Variants in PTPRT observed in about 807,000 individuals in gnomAD.
PTPRT encodes the protein protein tyrosine phosphatase receptor type T.
A neutral mutation model predicts 176.8 loss-of-function variants in PTPRT; 56 were observed. That is an observed-to-expected ratio of 0.32 (90% CI 0.26 to 0.40). PTPRT has a LOEUF of 0.40. Among genes scored for constraint, PTPRT ranks in the 10% least tolerant of loss-of-function variants. The pLI is 1.00. For synonymous variants in PTPRT, 783 were observed against 739.0 expected, an observed-to-expected ratio of 1.06 and a Z score of -0.96; for missense variants, 1,540 against 1,908.2, an observed-to-expected ratio of 0.81 and a Z score of 3.60.
intron 1 of PTPRT, among the ~76,000 whole-genome samples, chr20:43,106,592 G>C (rs940707687): frequency 2.0e-5 from 3 of 149,986 alleles, no homozygotes; most frequent in African/African-American, 4.9e-5. Context: ...GGGAGGCACA[G>C]GTTGCAGTGA....
chr20:42,328,121 T>A (rs998794214), intron 11 of PTPRT, among the ~76,000 whole-genome samples: 3 of 152,076 alleles, frequency 2.0e-5, no homozygotes, highest in African/African-American at 7.2e-5. Context: ...TCATATCAAA[T>A]AGAAAATCAA....
At chr20:42,226,013 G>A (rs575649140) in intron 15 of PTPRT, among the ~76,000 whole-genome samples, 1 of 152,248 alleles carries the variant, frequency 6.6e-6, no homozygotes, top group African/African-American at 2.4e-5. Context: ...ACTTTACTGG[G>A]CCCGTTAACC....
At chr20:42,780,469 C>T (rs2077199077) in intron 3 of PTPRT, among the ~76,000 whole-genome samples, 170 bp from the exon 4 acceptor site, 1 of 152,090 alleles carries the variant, frequency 6.6e-6, no homozygotes, top group African/African-American at 2.4e-5. Context: ...ATTTTCAACA[C>T]AAGGTAAAAA....
intron 6 of PTPRT, among the ~76,000 whole-genome samples, chr20:42,717,731 A>C (rs1224673721): frequency 6.6e-6 from 1 of 152,184 alleles, no homozygotes; most frequent in Non-Finnish European, 1.5e-5. Context: ...CTACAGAAAG[A>C]AAAAGGATAT....
At chr20:43,131,631 A>T (rs2013650459) in intron 1 of PTPRT, among the ~76,000 whole-genome samples, 1 of 152,202 alleles carries the variant, frequency 6.6e-6, no homozygotes, top group South Asian at 2.1e-4. Flanking sequence ...ATGGATTCAT[A>T]GGTGATTTAT....
chr20:42,070,434 T>G (rs1982274697), downstream of PTPRT, among the ~76,000 whole-genome samples: 2 of 151,704 alleles, frequency 1.3e-5, no homozygotes, highest in African/African-American at 4.8e-5. Flanking sequence ...GTATCATCAG[T>G]CTCTCTCCAG....
At position 42,080,003 on chromosome 20, in the gene PTPRT, TAATC is replaced by T. The variant is rs1555856073; in HGVS notation, c.*872_*875del. 4.3e-6 allele frequency: 1 copy of T among 232,064 alleles called. No homozygotes were observed. The highest frequency in any genetic ancestry group is 8.5e-6 in the Non-Finnish European group (1 of 117,420). The allele number at this position is 232,064 out of a possible 1,614,324, so 14.4% of individuals were successfully genotyped here. On this transcript the variant is annotated 3_prime_UTR_variant, in exon 31 of 31. Coordinates refer to ENST00000373187, the MANE Select transcript of PTPRT (RefSeq NM_007050.6). ...TTCTTTTCACATACACTTTGGAAAATAATCAAATCTTATCTTGTTTGTCTCTTCC... is the reference window on the plus strand; with the variant it reads ...TTCTTTTCACATACACTTTGGAAAATAAATCTTATCTTGTTTGTCTCTTCC...
At chr20:42,519,640 T>C (rs1002962663) in intron 7 of PTPRT, among the ~76,000 whole-genome samples, 2 of 151,956 alleles carry the variant, frequency 1.3e-5, no homozygotes, top group South Asian at 2.1e-4. Flanking sequence ...GATATAGATA[T>C]TGATGTGTGT....
intron 7 of PTPRT, among the ~76,000 whole-genome samples, chr20:42,592,810 C>CCG (rs2145763119): frequency 6.6e-6 from 1 of 152,256 alleles, no homozygotes; most frequent in Admixed American, 6.5e-5. Context: ...TTATCCAGTC[C>CCG]CTGCCACTTT....
At chr20:42,436,685 G>A (rs6030237) in intron 9 of PTPRT, among the ~76,000 whole-genome samples, 54,526 of 151,998 alleles carry the variant, frequency 0.36, 10,581 homozygotes, top group African/African-American at 0.51. Flanking sequence ...TAGAAATTCA[G>A]GAGAAAATCT....
At chr20:42,309,472 A>C (rs2057594735) in intron 12 of PTPRT, among the ~76,000 whole-genome samples, 1 of 152,154 alleles carries the variant, frequency 6.6e-6, no homozygotes, top group Admixed American at 6.5e-5. Context: ...AAAAAATCTT[A>C]CTACTATGAT....
chr20:42,723,278 A>G (rs6030436), intron 6 of PTPRT, among the ~76,000 whole-genome samples: 14,482 of 152,142 alleles, frequency 0.095, 783 homozygotes, highest in Admixed American at 0.12. Flanking sequence ...AATATTAAAG[A>G]AAAAGGGGCC....
At chr20:42,291,394 T>TTGCAATAAACACTGGGAGATA (rs2057314383) in intron 12 of PTPRT, among the ~76,000 whole-genome samples, 2 of 152,148 alleles carry the variant, frequency 1.3e-5, no homozygotes, top group Non-Finnish European at 2.9e-5. Context: ...TAATTAAAAG[T>TTGCAATAAACACTGGGAGATA]TGCAATAAAC....
At chr20:42,402,738 A>T (rs948337093) in intron 9 of PTPRT, among the ~76,000 whole-genome samples, 4 of 151,384 alleles carry the variant, frequency 2.6e-5, no homozygotes, top group African/African-American at 9.7e-5. Flanking sequence ...AGGAACTTGC[A>T]GGATTTGTGA....
intron 6 of PTPRT, 135 bp downstream of exon 6, chr20:42,756,327 G>A (rs2076831780): frequency 3.3e-6 from 3 of 920,432 alleles, no homozygotes; most frequent in South Asian, 5.2e-5. Context: ...TGTTGGGGAG[G>A]GAGGCCAGAG....
chr20:42,119,324 T>C lies in PTPRT; in HGVS notation c.2884+611A>G, dbSNP rs535802044. 1.1e-4 allele frequency among the ~76,000 whole-genome samples: 17 copies of C among 152,340 alleles called. No homozygotes were observed. In the South Asian group the frequency reaches 3.1e-3, roughly 28 times the overall value. On this transcript the variant is annotated intron_variant, in intron 20 of 30. Transcript: ENST00000373187. The stretch of plus-strand genomic sequence containing the variant: ...TCTATAATATGGCGGTAACACACTT[T>C]ATGTAACCAACGTACCAATTGTTGG...
intron 1 of PTPRT, chr20:42,969,623 C>A (rs982620694): frequency 2.0e-5 from 3 of 152,170 alleles, no homozygotes; most frequent in African/African-American, 7.2e-5. Context: ...TTTAAGAATT[C>A]TGAATCCTCA....
At chr20:42,057,156 T>G in the PTPRT span, among the ~76,000 whole-genome samples, 3 of 152,204 alleles carry the variant, frequency 2.0e-5, no homozygotes, top group African/African-American at 7.2e-5. Flanking sequence ...TTACCATATA[T>G]GGATATTCAA....
intron 8 of PTPRT, among the ~76,000 whole-genome samples, chr20:42,450,406 C>T (rs1254032704): frequency 6.6e-6 from 1 of 152,158 alleles, no homozygotes; most frequent in African/African-American, 2.4e-5. Context: ...AAATTAAGTG[C>T]ATGTGTATGT....
Sources: allele counts gnomAD v4.1 joint callset (sites outside exome capture counted in the v4.1 genomes callset), GRCh38; gene constraint gnomAD v4.1.1; transcripts MANE v1.5; gene names NCBI Gene and HGNC (gene_info 2026-07-23, HGNC 2026-07-21).